Variants in TECTA observed in about 807,000 individuals in gnomAD.
The protein encoded by TECTA is alpha-tectorin.
TECTA carries 128 observed loss-of-function variants against 216.8 expected under a neutral mutation model. That is an observed-to-expected ratio of 0.59 (90% CI 0.51 to 0.68). The LOEUF (loss-of-function observed/expected upper bound fraction) is 0.68. Ranked by LOEUF, TECTA falls within the 30% of genes least tolerant of loss-of-function variation. The pLI, the probability that TECTA is intolerant of heterozygous loss-of-function variation, is 0.00. For missense variants in TECTA, 2,551 were observed against 2,786.2 expected, an observed-to-expected ratio of 0.92 and a Z score of 1.90; for synonymous variants, 1,089 against 1,117.1, an observed-to-expected ratio of 0.97 and a Z score of 0.50.
intron 9 of TECTA, among the ~76,000 whole-genome samples, chr11:121,128,754 G>A (rs1351513013): frequency 6.6e-6 from 1 of 152,168 alleles, no homozygotes; most frequent in African/African-American, 2.4e-5. Flanking sequence ...CACCTGCCTG[G>A]CTGGCTCCAG....
intron 8 of TECTA, among the ~76,000 whole-genome samples, chr11:121,126,444 C>G (rs1355679035): frequency 6.6e-6 from 1 of 152,206 alleles, no homozygotes; most frequent in Non-Finnish European, 1.5e-5. Flanking sequence ...AATCCTGGCT[C>G]TTTTGAATTA....
intron 11 of TECTA, among the ~76,000 whole-genome samples, chr11:121,138,784 T>A (rs1412739589): frequency 6.6e-6 from 1 of 152,248 alleles, no homozygotes; most frequent in Non-Finnish European, 1.5e-5. Context: ...AGGGTCCTGC[T>A]CTGCACATGA....
chr11:121,164,412 A>G (rs930876421), intron 16 of TECTA, among the ~76,000 whole-genome samples: 2 of 152,214 alleles, frequency 1.3e-5, no homozygotes, highest in South Asian at 2.1e-4. Context: ...TGTGATGAAC[A>G]GGAGGAATAT....
chr11:121,151,630 C>A (rs61901199), intron 12 of TECTA, among the ~76,000 whole-genome samples: 2 of 152,114 alleles, frequency 1.3e-5, no homozygotes, highest in African/African-American at 4.8e-5. Flanking sequence ...CATTTCATCA[C>A]GCTTTTTCTT....
chr11:121,156,651 A>G (rs1293536950), intron 13 of TECTA, among the ~76,000 whole-genome samples: 1 of 148,294 alleles, frequency 6.7e-6, no homozygotes, highest in Admixed American at 6.6e-5. Context: ...GCCTATTATT[A>G]TTATTATTTT....
intron 11 of TECTA, 81 bp downstream of exon 11, chr11:121,138,103 C>G: frequency 1.3e-6 from 2 of 1,595,934 alleles, no homozygotes; most frequent in Non-Finnish European, 1.7e-6. Flanking sequence ...GCAGCTGAAT[C>G]AGGCAGGTCC....
intron 1 of TECTA, among the ~76,000 whole-genome samples, chr11:121,101,956 T>A (rs954732511): frequency 2.6e-5 from 4 of 152,228 alleles, no homozygotes; most frequent in African/African-American, 9.6e-5. Context: ...GTGTTCCTTC[T>A]TTAATTAACT....
At chr11:121,172,876 C>T (rs1459856883) in intron 20 of TECTA, among the ~76,000 whole-genome samples, 4 of 150,834 alleles carry the variant, frequency 2.7e-5, no homozygotes, top group Non-Finnish European at 5.9e-5. Context: ...TTAATGATTG[C>T]CATTCTAACT....
chr11:121,122,735 C>G (rs1026838485), intron 7 of TECTA, among the ~76,000 whole-genome samples: 1 of 149,428 alleles, frequency 6.7e-6, no homozygotes, highest in Non-Finnish European at 1.5e-5. Flanking sequence ...CACCTGTAGT[C>G]CCAGCTACTC....
At chr11:121,109,885 G>A (rs1447243174) in intron 4 of TECTA, 1 of 246,628 alleles carries the variant, frequency 4.1e-6, no homozygotes, top group Non-Finnish European at 7.9e-6. Flanking sequence ...CGAGGTACAA[G>A]TGCCTCTCTC....
chr11:121,112,603 A>G (rs1484886603), intron 4 of TECTA, among the ~76,000 whole-genome samples: 2 of 152,154 alleles, frequency 1.3e-5, no homozygotes, highest in Non-Finnish European at 2.9e-5. Context: ...GTTTTCCGGG[A>G]AGAGAGAGAG....
Position 121,191,470 on chromosome 11 carries a change from CTT to C in TECTA, c.*666_*667del, listed in dbSNP as rs1947339446. On this transcript the variant is annotated 3_prime_UTR_variant, in exon 24 of 24. Transcript: ENST00000392793. ...TTAATGTGTTTTATCCTTAAATAAA[CTT>C]TGTGTTCAAGTATTCTCATTACTTG... 1 of 153,808 alleles carries C rather than the reference CTT, an allele frequency of 6.5e-6. No individual in the cohort carries two copies. Among genetic ancestry groups the C allele is most frequent in the Admixed American group, 6.4e-5 (1 of 15,612 alleles). The allele number at this position is 153,808 out of a possible 1,614,324, so 9.5% of individuals were successfully genotyped here. A position where few individuals can be genotyped will look rare whatever the true frequency, so the allele number is the denominator to read the frequency against.
At chr11:121,152,739 T>A (rs1946902347) in intron 12 of TECTA, 142 bp from the exon 13 acceptor site, 1 of 788,262 alleles carries the variant, frequency 1.3e-6, no homozygotes, top group African/African-American at 1.7e-5. Context: ...AAGAGGGCAG[T>A]AATGAAGAAA....
At chr11:121,188,414 A>C (rs1014654191) in intron 21 of TECTA, among the ~76,000 whole-genome samples, 10 of 152,194 alleles carry the variant, frequency 6.6e-5, no homozygotes, top group African/African-American at 2.2e-4. Context: ...ACTGCACTAG[A>C]GTCTCAAGGA....
intron 10 of TECTA, among the ~76,000 whole-genome samples, chr11:121,131,213 C>CAA (rs10683692): frequency 0.44 from 31,024 of 70,208 alleles, 7,054 homozygotes; most frequent in African/African-American, 0.6. Context: ...GACTCCATCT[C>CAA]AAAAAAAAAA....
chr11:121,130,558 C>T (rs1946664326), intron 10 of TECTA, among the ~76,000 whole-genome samples: 1 of 152,100 alleles, frequency 6.6e-6, no homozygotes, highest in African/African-American at 2.4e-5. Context: ...CAAAGAAGAG[C>T]CCCATTGATT....
chr11:121,150,643 A>ATTTT lies in TECTA; in HGVS notation c.4106-2220_4106-2217dup, dbSNP rs202043512. Among the ~76,000 whole-genome samples, 200 of 127,910 alleles carry ATTTT rather than the reference A, an allele frequency of 1.6e-3. 4 individuals are homozygous for ATTTT. Among genetic ancestry groups the ATTTT allele is most frequent in the African/African-American group, 4.5e-3 (146 of 32,208 alleles). The allele number at this position is 127,910 out of a possible 152,430, so 83.9% of individuals were successfully genotyped here. A position where few individuals can be genotyped will look rare whatever the true frequency, so the allele number is the denominator to read the frequency against. ...TGACATACCACAAAGGCCTATTTTA[A>ATTTT]TTTTTTTTTTTTTTTTTTTTTGAGA... On this transcript the variant is annotated intron_variant, in intron 12 of 23. Coordinates refer to ENST00000392793, the MANE Select transcript of TECTA (RefSeq NM_005422.4).
chr11:121,155,147 C>T (rs73583187), intron 13 of TECTA, among the ~76,000 whole-genome samples: 1,527 of 152,234 alleles, frequency 0.01, 22 homozygotes, highest in African/African-American at 0.035. Context: ...ATAGAGAATA[C>T]GCCTGGCTAT....
chr11:121,145,756 G>A lies in TECTA; in HGVS notation c.3745G>A (p.Asp1249Asn). Reference sequence around the variant, plus strand: ...GTGTGGCCGCTACAACGGCAACCCTGATGATGACCTGGAGATGCCCATGGG... The same window carrying A: ...GTGTGGCCGCTACAACGGCAACCCTAATGATGACCTGGAGATGCCCATGGG... The part of the protein sequence containing the change: ...GLCGRYNGNP[D>N]DDLEMPMGLL... Residue 1249 changes from aspartate (D) to asparagine (N), a missense_variant, in exon 12 of 24, where the codon GAT becomes AAT. By Grantham distance (23) the Asp-to-Asn change is conservative. Coordinates refer to ENST00000392793, the MANE Select transcript of TECTA (RefSeq NM_005422.4). The A allele has an allele frequency of 3.7e-6, 6 of 1,614,238 alleles. No homozygotes were observed. The highest frequency in any genetic ancestry group is 4.2e-6 in the Non-Finnish European group (5 of 1,180,042).
Sources: gnomAD v4.1 joint callset for allele counts (sites outside exome capture counted in the v4.1 genomes callset) on GRCh38, gnomAD v4.1.1 for gene constraint, MANE v1.5 for transcripts, NCBI Gene and HGNC (gene_info 2026-07-23, HGNC 2026-07-21) for gene names.